The following SHANK2 variants were observed in gnomAD, a reference collection of about 807,000 sequenced individuals.
The protein encoded by SHANK2 is SH3 and multiple ankyrin repeat domains 2.
A neutral mutation model predicts 133.7 loss-of-function variants in SHANK2; 43 were observed. The observed-to-expected ratio is 0.32, with a 90% CI of 0.25 to 0.41. The LOEUF is 0.41. SHANK2 is among the 10% of genes least tolerant of loss of function. SHANK2 has a pLI of 1.00. For missense variants in SHANK2, 1,994 were observed against 2,235.8 expected, an observed-to-expected ratio of 0.89 and a Z score of 2.18; for synonymous variants, 1,017 against 952.8, an observed-to-expected ratio of 1.07 and a Z score of -1.24.
At chr11:70,811,847 C>G (rs565726132) in intron 12 of SHANK2, among the ~76,000 whole-genome samples, 1 of 152,094 alleles carries the variant, frequency 6.6e-6, no homozygotes, top group South Asian at 2.1e-4. Context: ...CATGCATCTA[C>G]CCATCCACCC....
chr11:70,552,314 C>T (rs917274797), intron 17 of SHANK2, among the ~76,000 whole-genome samples: 1 of 152,184 alleles, frequency 6.6e-6, no homozygotes, highest in Non-Finnish European at 1.5e-5. Context: ...GCCTCCAGCC[C>T]AGGCCAAGCC....
At chr11:70,758,849 A>C (rs1423184236) in intron 14 of SHANK2, among the ~76,000 whole-genome samples, 1 of 152,198 alleles carries the variant, frequency 6.6e-6, no homozygotes, top group Non-Finnish European at 1.5e-5. Flanking sequence ...GAACAAGGGG[A>C]CACCACAGAA....
intron 14 of SHANK2, among the ~76,000 whole-genome samples, chr11:70,779,093 G>A (rs1947429338): frequency 6.6e-6 from 1 of 152,080 alleles, no homozygotes; most frequent in African/African-American, 2.4e-5. Context: ...CCAGAGACTG[G>A]ATCCTCCCAA....
At chr11:70,493,464 ATT>A (rs34242934) in intron 21 of SHANK2, among the ~76,000 whole-genome samples, 168 of 140,220 alleles carry the variant, frequency 1.2e-3, no homozygotes, top group African/African-American at 2.3e-3. Flanking sequence ...TTTGCAGCAC[ATT>A]TTTTTTTTTT....
intron 2 of SHANK2, among the ~76,000 whole-genome samples, chr11:71,191,125 T>C (rs928747826): frequency 3.7e-4 from 56 of 151,798 alleles, no homozygotes; most frequent in African/African-American, 1.3e-3. Flanking sequence ...AAGCCACGAT[T>C]GCTCCGGTGC....
At chr11:71,107,129 G>A (rs1951813970) in intron 6 of SHANK2, among the ~76,000 whole-genome samples, 1 of 152,096 alleles carries the variant, frequency 6.6e-6, no homozygotes, top group Admixed American at 6.5e-5. Flanking sequence ...AAAAAGAAAG[G>A]GGAGTGGAGG....
chr11:70,664,576 A>C (rs1370456299), intron 15 of SHANK2, among the ~76,000 whole-genome samples: 1 of 152,186 alleles, frequency 6.6e-6, no homozygotes, highest in Non-Finnish European at 1.5e-5. Flanking sequence ...ACCCAGCTCC[A>C]AGGGGAACCT....
intron 1 of SHANK2, among the ~76,000 whole-genome samples, chr11:71,228,560 C>T (rs868950656): frequency 2.0e-5 from 3 of 152,160 alleles, no homozygotes; most frequent in Non-Finnish European, 4.4e-5. Context: ...GAGTTCAAGG[C>T]CAGCCTGGCC....
chr11:71,153,084 A>G (rs763129397), intron 2 of SHANK2, among the ~76,000 whole-genome samples: 1 of 152,154 alleles, frequency 6.6e-6, no homozygotes, highest in African/African-American at 2.4e-5. Flanking sequence ...TGGCAACACC[A>G]TGGGAGAGCC....
chr11:70,508,733 A>T lies in SHANK2; in HGVS notation c.2062-5802T>A, dbSNP rs952928961. 4.6e-5 allele frequency among the ~76,000 whole-genome samples: 7 copies of T among 152,260 alleles called. No individual in the cohort carries two copies. In the South Asian group the frequency reaches 1.5e-3, roughly 32 times the overall value. ...TAGTGAGACCCCATTTCTACAAAAA[A>T]TACAAGTTAGCCAGGTGTACTGGTG... On this transcript the variant is annotated intron_variant, in intron 17 of 25. Coordinates refer to ENST00000601538, the MANE Select transcript of SHANK2 (RefSeq NM_012309.5).
chr11:70,722,381 G>T (rs538222759), intron 14 of SHANK2, among the ~76,000 whole-genome samples: 2 of 152,330 alleles, frequency 1.3e-5, no homozygotes, highest in South Asian at 4.1e-4. Flanking sequence ...GGGACATGAA[G>T]GCTTCCTGCA....
chr11:71,208,831 G>GCA lies in SHANK2; in HGVS notation c.-13+15864_-13+15865dup, dbSNP rs148559520. Among the ~76,000 whole-genome samples, 39 of 151,850 alleles carry GCA rather than the reference G, an allele frequency of 2.6e-4. No individual in the cohort carries two copies. In the South Asian group the frequency reaches 3.1e-3, roughly 12 times the overall value. ...GCTCAATAAATCGCATCTAAGGCAC[G>GCA]CACACACACACACTCTCTGACTTAG... On this transcript the variant is annotated intron_variant, in intron 2 of 25. Transcript: ENST00000601538.
At chr11:70,662,315 C>CGGCAG (rs1944571235) in intron 15 of SHANK2, 1 of 166,322 alleles carries the variant, frequency 6.0e-6, no homozygotes, top group Admixed American at 5.8e-5. Flanking sequence ...CGGCGGTGTG[C>CGGCAG]GGCAGGCAGG....
intron 8 of SHANK2, among the ~76,000 whole-genome samples, chr11:71,088,000 A>C (rs930531251): frequency 2.6e-5 from 4 of 152,142 alleles, no homozygotes; most frequent in African/African-American, 9.7e-5. Context: ...AGGAAACCTG[A>C]ATTTAAACCT....
intron 6 of SHANK2, among the ~76,000 whole-genome samples, chr11:71,104,824 G>A (rs1951778054): frequency 1.3e-5 from 2 of 152,250 alleles, no homozygotes; most frequent in Admixed American, 6.5e-5. Flanking sequence ...CGCAGAAGCT[G>A]GGAAGCAGGG....
intron 17 of SHANK2, among the ~76,000 whole-genome samples, chr11:70,527,622 G>C (rs781981540): frequency 1.3e-5 from 2 of 152,218 alleles, no homozygotes; most frequent in African/African-American, 4.8e-5. Flanking sequence ...CCTCCCTGGA[G>C]CCCCCGTGGT....
intron 6 of SHANK2, among the ~76,000 whole-genome samples, chr11:71,106,370 G>A (rs572948211): frequency 5.3e-5 from 8 of 152,352 alleles, no homozygotes; most frequent in East Asian, 3.9e-4. Context: ...AGGAGGCTGA[G>A]GTGAGAGGAC....
intron 6 of SHANK2, among the ~76,000 whole-genome samples, chr11:71,107,911 A>G (rs1387983734): frequency 1.3e-5 from 2 of 152,320 alleles, no homozygotes; most frequent in African/African-American, 2.4e-5. Flanking sequence ...CAGAGGGGAC[A>G]TCCAGCCTCC....
At chr11:70,910,663 C>T (rs1000399371) in intron 10 of SHANK2, among the ~76,000 whole-genome samples, 8 of 152,002 alleles carry the variant, frequency 5.3e-5, no homozygotes, top group Non-Finnish European at 7.4e-5. Flanking sequence ...CAAAATTAGC[C>T]GGGCATGGTG....
Sources: gnomAD v4.1 joint callset for allele counts (sites outside exome capture counted in the v4.1 genomes callset) on GRCh38, gnomAD v4.1.1 for gene constraint, MANE v1.5 for transcripts, NCBI Gene and HGNC (gene_info 2026-07-23, HGNC 2026-07-21) for gene names.